The following GET4 variants were observed in gnomAD, a reference collection of about 807,000 sequenced individuals.
GET4 encodes Golgi to ER traffic protein 4 homolog.
In GET4, 20 loss-of-function variants were observed where a neutral mutation model predicts 40.0. That is an observed-to-expected ratio of 0.50 (90% CI 0.35 to 0.73). The LOEUF is 0.73. GET4 is among the 30% of genes least tolerant of loss of function. GET4 has a pLI of 0.01. For missense variants in GET4, 557 were observed against 454.0 expected (o/e 1.23, Z -2.06); for synonymous variants, 280 against 194.6 (o/e 1.44, Z -3.65).
intron 1 of GET4, chr7:878,086 G>A: frequency 3.1e-6 from 1 of 326,260 alleles, no homozygotes; most frequent in Non-Finnish European, 6.3e-6. Flanking sequence ...TGTTGACGCC[G>A]CCCGGCCTGC....
At chr7:887,661 C>G (rs79351189) in intron 4 of GET4, 142 bp downstream of exon 4, 9,709 of 565,810 alleles carry the variant, frequency 0.017, 393 homozygotes, top group East Asian at 0.15. Flanking sequence ...CCATGGAGAC[C>G]CATGCGCCAT....
At chr7:881,551 C>T (rs1370188566) in intron 1 of GET4, 1 of 152,250 alleles carries the variant, frequency 6.6e-6, no homozygotes, top group African/African-American at 2.4e-5. Flanking sequence ...GTCTCCAGCA[C>T]AATTGTTTAT....
chr7:876,911 G>A, intron 1 of GET4, 111 bp downstream of exon 1: 2 of 485,814 alleles, frequency 4.1e-6, no homozygotes. Flanking sequence ...CCGTCGCGGG[G>A]GCGAGCTGGA....
At chr7:879,416 C>T (rs946968614) in intron 1 of GET4, among the ~76,000 whole-genome samples, 2 of 152,194 alleles carry the variant, frequency 1.3e-5, no homozygotes, top group African/African-American at 2.4e-5. Flanking sequence ...GTGTTTGTGT[C>T]GGTAGTTGTC....
chr7:877,996 CG>C (rs1364207108), intron 1 of GET4: 1 of 214,556 alleles, frequency 4.7e-6, no homozygotes, highest in Admixed American at 5.1e-5. Context: ...GTTCTCCAGC[CG>C]GGCCCTACAC....
chr7:894,676 C>T (rs576957190), intron 8 of GET4, among the ~76,000 whole-genome samples: 86 of 152,334 alleles, frequency 5.6e-4, no homozygotes, highest in Non-Finnish European at 1.0e-3. Flanking sequence ...TCCCGTTCCA[C>T]AGAAGCGCCG....
rs780120751 is a variant in GET4, at chr7:890,983, C to G, written c.522C>G (p.Gly174=). The change falls in exon 5 of 9, where the codon GGC becomes GGG. Residue 174 remains glycine, a synonymous_variant. Transcript: ENST00000265857. Reference sequence around the variant, plus strand: ...TTCTGCACTCAGCGGACGGGGAGGGCTGTGCCAACATGCTGGTGGAGTATT... The same window carrying G: ...TTCTGCACTCAGCGGACGGGGAGGGGTGTGCCAACATGCTGGTGGAGTATT... ...YHFLHSADGE[G]CANMLVEYST... is the part of the protein sequence containing the mutation. The G allele has an allele frequency of 6.2e-7, 1 of 1,609,546 alleles. No homozygotes were observed. Among genetic ancestry groups the G allele is most frequent in the Non-Finnish European group, 8.5e-7 (1 of 1,176,130 alleles).
rs1353858615 is a variant in GET4 at position 896,216 on chromosome 7, T to G, written c.*794T>G. On this transcript the variant is annotated 3_prime_UTR_variant, in exon 9 of 9. Coordinates refer to ENST00000265857, the MANE Select transcript of GET4 (RefSeq NM_015949.3). ...TTTTGGGTTTTAACCAAATAACCGG[T>G]CCAGGAGTGAGCAGCTCCGTTCTGT... is the stretch of plus-strand genomic sequence containing the variant. The G allele has an allele frequency of 6.6e-6, 1 of 152,202 alleles. No homozygotes were observed. Among genetic ancestry groups the G allele is most frequent in the Non-Finnish European group, 1.5e-5 (1 of 68,034 alleles). The allele number at this position is 152,202 out of a possible 1,614,324, so 9.4% of individuals were successfully genotyped here. A position where few individuals can be genotyped will look rare whatever the true frequency, so the allele number is the denominator to read the frequency against.
chr7:894,585 G>A (rs539795021), intron 8 of GET4, among the ~76,000 whole-genome samples: 5 of 152,136 alleles, frequency 3.3e-5, no homozygotes, highest in South Asian at 4.1e-4. Context: ...ACCGTGCCCC[G>A]TGACACAGGC....
In GET4 at chr7:876,628, G is replaced by C; in HGVS notation, c.-18G>C. ...CCGCGCCTGCGACAGCGTCAGCCCT[G>C]CGCGGAGCGCCGGCCCGATGGCGGC... is the stretch of plus-strand genomic sequence containing the variant. On this transcript the variant is annotated 5_prime_UTR_variant, in exon 1 of 9. Coordinates refer to ENST00000265857, the MANE Select transcript of GET4 (RefSeq NM_015949.3). 1 of 1,227,184 alleles carries C rather than the reference G, an allele frequency of 8.1e-7. No individual in the cohort carries two copies. 76.0% of individuals were successfully genotyped at this position (1,227,184 alleles called of 1,614,324 possible).
chr7:888,599 A>G (rs1010633399), intron 4 of GET4, among the ~76,000 whole-genome samples: 17 of 152,206 alleles, frequency 1.1e-4, no homozygotes, highest in Non-Finnish European at 2.4e-4. Flanking sequence ...ACCCACAGGG[A>G]GATGAGCCAG....
chr7:886,577 T>A lies in GET4; in HGVS notation c.243T>A (p.Ser81Arg). 1.2e-6 allele frequency: 2 copies of A among 1,611,564 alleles called. No individual in the cohort carries two copies. Among genetic ancestry groups the A allele is most frequent in the Non-Finnish European group, 1.7e-6 (2 of 1,178,154 alleles). ...LLFFSHGQQN[S>R]AADLSMLVLE... ...GTTGCTTTCTCTTGTAGCAAAACAG[T>A]GCAGCAGACTTGTCCATGCTGGTCC... The change falls in exon 3 of 9, where the codon AGT becomes AGA. Residue 81 changes from serine (S) to arginine (R), a missense_variant. Transcript: ENST00000265857.
rs1844257569 is a variant in GET4, at chr7:889,190, G to A, written c.466+1671G>A. On this transcript the variant is annotated intron_variant, in intron 4 of 8. Transcript: ENST00000265857. ...ATCTGCAGAGATCCCCTGAAGAGGGGCCCTGGCTGCCTCCCACTGGGGTAG... is the reference window on the plus strand; with the variant it reads ...ATCTGCAGAGATCCCCTGAAGAGGGACCCTGGCTGCCTCCCACTGGGGTAG... Among the ~76,000 whole-genome samples, 3 of 152,276 alleles carry A rather than the reference G, an allele frequency of 2.0e-5. No individual in the cohort carries two copies. The South Asian group carries it at 6.2e-4, about 32-fold the overall frequency.
At chr7:883,521 C>G (rs1844127104) in intron 1 of GET4, 4 of 985,206 alleles carry the variant, frequency 4.1e-6, no homozygotes, top group Non-Finnish European at 4.8e-6. Flanking sequence ...TTTGCCCAGA[C>G]ACTTTGCTCT....
Position 890,955 on chromosome 7 carries a change from AT to A in GET4, c.498del (p.Leu167CysfsTer40). The A allele has an allele frequency of 1.2e-6, 2 of 1,608,656 alleles. No individual in the cohort carries two copies. The highest frequency in any genetic ancestry group is 1.7e-6 in the Non-Finnish European group (2 of 1,175,342). ...CAAAACTATTGTGAGTCGAGGTATC[AT>A]TTTCTGCACTCAGCGGACGGGGAGG... ...KEQNYCESRY[H>X]FLHSADGEGC... On this transcript the variant is annotated frameshift_variant, in exon 5 of 9. Coordinates refer to ENST00000265857, the MANE Select transcript of GET4 (RefSeq NM_015949.3). LOFTEE classifies it high-confidence loss of function.
intron 8 of GET4, among the ~76,000 whole-genome samples, chr7:894,190 C>T (rs1435715195): frequency 6.6e-6 from 1 of 151,630 alleles, no homozygotes; most frequent in Non-Finnish European, 1.5e-5. Context: ...CAGAGCTCCC[C>T]ATCCCTGAGG....
Position 895,463 on chromosome 7 carries a change from T to C in GET4, c.*41T>C. 1.9e-6 allele frequency: 2 copies of C among 1,066,562 alleles called. No individual in the cohort carries two copies. The highest frequency in any genetic ancestry group is 2.6e-5 in the South Asian group (2 of 76,122). The allele number at this position is 1,066,562 out of a possible 1,614,324, so 66.1% of individuals were successfully genotyped here. ...TGGAGACACCACGGTCGACGACGGCTGGAGGGACGTTTCAGAGGCGAGTCC... is the reference window on the plus strand; with the variant it reads ...TGGAGACACCACGGTCGACGACGGCCGGAGGGACGTTTCAGAGGCGAGTCC... On this transcript the variant is annotated 3_prime_UTR_variant, in exon 9 of 9. Coordinates refer to ENST00000265857, the MANE Select transcript of GET4 (RefSeq NM_015949.3).
At chr7:883,805 CAGG>C (rs1177125134) in intron 1 of GET4, 4 of 991,920 alleles carry the variant, frequency 4.0e-6, no homozygotes, top group South Asian at 4.5e-5. Flanking sequence ...TTCTCCAGTA[CAGG>C]AGGAGAAGCC....
chr7:883,364 T>C (rs960874771), intron 1 of GET4: 15 of 251,998 alleles, frequency 6.0e-5, no homozygotes, highest in African/African-American at 3.0e-4. Context: ...AGCTTCCGTC[T>C]GCCAAGAGAG....
Sources: gnomAD v4.1 joint callset for allele counts (sites outside exome capture counted in the v4.1 genomes callset) on GRCh38, gnomAD v4.1.1 for gene constraint, MANE v1.5 for transcripts, NCBI Gene and HGNC (gene_info 2026-07-23, HGNC 2026-07-21) for gene names.